The following SMCHD1 variants were observed in gnomAD, a reference collection of about 807,000 sequenced individuals.
The protein encoded by SMCHD1 is structural maintenance of chromosomes flexible hinge domain-containing protein 1.
Under a neutral mutation model 254.7 loss-of-function variants are expected in SMCHD1, and 78 were observed. The observed-to-expected ratio is 0.31, with a 90% CI of 0.26 to 0.37. The LOEUF is 0.37. Ranked by LOEUF, SMCHD1 falls within the 10% of genes least tolerant of loss-of-function variation. SMCHD1 has a pLI of 1.00. For missense variants in SMCHD1, 1,840 were observed against 2,408.1 expected (o/e 0.76, Z 4.94); for synonymous variants, 766 against 794.9 (o/e 0.96, Z 0.61).
Position 2,707,597 on chromosome 18 carries a change from G to A in SMCHD1, c.2098G>A (p.Gly700Arg). 6.2e-7 allele frequency: 1 copy of A among 1,609,550 alleles called. No individual in the cohort carries two copies. Among genetic ancestry groups the A allele is most frequent in the Non-Finnish European group, 8.5e-7 (1 of 1,177,528 alleles). ...TAGATTGTCAGTAACTTGGCCTGAA[G>A]GAGATGAATTATTGCCTAATGAGGT... ...PDRLSVTWPE[G>R]DELLPNEVRP... is the part of the protein sequence containing the mutation. The change falls in exon 16 of 48, where the codon GGA becomes AGA. Residue 700 changes from glycine (G) to arginine (R), a missense_variant. Transcript: ENST00000320876.
chr18:2,769,673 ATTGT>A lies in SMCHD1; in HGVS notation c.4720-14_4720-11del. ...TTCTTTTTAAATCTTGTTTTCCCCT[ATTGT>A]TTGTTTATATGTACAGAGTCTGGTG... On this transcript the variant is annotated splice_polypyrimidine_tract_variant and intron_variant, in intron 37 of 47. Transcript: ENST00000320876. 3 of 1,579,218 alleles carry A rather than the reference ATTGT, an allele frequency of 1.9e-6. No individual in the cohort carries two copies. Among genetic ancestry groups the A allele is most frequent in the Non-Finnish European group, 2.6e-6 (3 of 1,161,484 alleles).
intron 23 of SMCHD1, 136 bp from the exon 24 acceptor site, chr18:2,729,139 A>T: frequency 3.4e-6 from 2 of 591,658 alleles, no homozygotes; most frequent in South Asian, 4.7e-5. Context: ...CTAGAGTTTT[A>T]GTGACTTTTA....
intron 34 of SMCHD1, chr18:2,753,139 A>T (rs1432402489): frequency 6.6e-6 from 1 of 152,484 alleles, no homozygotes; most frequent in Non-Finnish European, 1.5e-5. Flanking sequence ...ACACACCACA[A>T]ACCCTCTCCT....
At chr18:2,677,392 A>T (rs1292817514) in intron 5 of SMCHD1, among the ~76,000 whole-genome samples, 2 of 152,202 alleles carry the variant, frequency 1.3e-5, no homozygotes, top group East Asian at 3.8e-4. Flanking sequence ...CATATTATAC[A>T]GTTAATTGCT....
At chr18:2,676,816 A>C (rs1238584038) in intron 5 of SMCHD1, among the ~76,000 whole-genome samples, 2 of 152,196 alleles carry the variant, frequency 1.3e-5, no homozygotes, top group Non-Finnish European at 2.9e-5. Flanking sequence ...TTGAAAGTAC[A>C]CTGCTGTCAG....
chr18:2,657,541 CCA>C (rs1227733029), intron 1 of SMCHD1, among the ~76,000 whole-genome samples: 2 of 152,092 alleles, frequency 1.3e-5, no homozygotes, highest in Non-Finnish European at 2.9e-5. Flanking sequence ...AAATATGGAA[CCA>C]GAGGGGGGAA....
chr18:2,741,063 A>T (rs2075340367), intron 28 of SMCHD1, among the ~76,000 whole-genome samples: 1 of 152,190 alleles, frequency 6.6e-6, no homozygotes, highest in African/African-American at 2.4e-5. Flanking sequence ...TATCATTTTG[A>T]AGCAAATTCC....
intron 29 of SMCHD1, among the ~76,000 whole-genome samples, chr18:2,746,250 A>G (rs1379630490): frequency 6.6e-6 from 1 of 152,230 alleles, no homozygotes; most frequent in Non-Finnish European, 1.5e-5. Flanking sequence ...GTGACATTAA[A>G]TGTGATATTA....
intron 44 of SMCHD1, chr18:2,779,135 A>T (rs921864197): frequency 1.3e-5 from 2 of 152,236 alleles, no homozygotes; most frequent in African/African-American, 4.8e-5. Flanking sequence ...TGGTAAAATA[A>T]ATATTTCAGT....
chr18:2,725,665 CAG>C (rs2075013371), intron 21 of SMCHD1, among the ~76,000 whole-genome samples: 1 of 151,670 alleles, frequency 6.6e-6, no homozygotes, highest in Admixed American at 6.6e-5. Flanking sequence ...ATGTTTAAAA[CAG>C]AGCATGTGTA....
At chr18:2,688,048 T>G (rs2074092284) in intron 5 of SMCHD1, among the ~76,000 whole-genome samples, 1 of 152,252 alleles carries the variant, frequency 6.6e-6, no homozygotes, top group African/African-American at 2.4e-5. Context: ...GACAATATTT[T>G]AGCAAGTTTT....
intron 45 of SMCHD1, among the ~76,000 whole-genome samples, chr18:2,793,181 C>T (rs2076196520): frequency 6.6e-6 from 1 of 152,142 alleles, no homozygotes; most frequent in South Asian, 2.1e-4. Flanking sequence ...TTGCTTCAGA[C>T]TTCTATTAAC....
chr18:2,688,585 G>C (rs781321092), intron 6 of SMCHD1, 43 bp from the exon 7 acceptor site: 5 of 1,577,684 alleles, frequency 3.2e-6, no homozygotes, highest in Non-Finnish European at 3.5e-6. Flanking sequence ...GCATTAACCA[G>C]TTTATTAGGA....
At chr18:2,774,608 C>T (rs1007570014) in intron 41 of SMCHD1, among the ~76,000 whole-genome samples, 4 of 152,064 alleles carry the variant, frequency 2.6e-5, no homozygotes, top group South Asian at 2.1e-4. Flanking sequence ...GATGGGGTTT[C>T]GTGATGTTGC....
At chr18:2,688,806 GA>G in intron 7 of SMCHD1, 59 bp downstream of exon 7, 1 of 967,764 alleles carries the variant, frequency 1.0e-6, no homozygotes, top group Non-Finnish European at 1.5e-6. Context: ...CGGTGGGACA[GA>G]ACTTAACTTG....
At chr18:2,748,787 G>A (rs2075517758) in intron 30 of SMCHD1, among the ~76,000 whole-genome samples, 1 of 151,982 alleles carries the variant, frequency 6.6e-6, no homozygotes, top group South Asian at 2.1e-4. Context: ...GAGGGAGTTG[G>A]GGTCATATTC....
At chr18:2,752,627 G>A (rs1448190544) in intron 34 of SMCHD1, 75 bp downstream of exon 34, 4 of 893,792 alleles carry the variant, frequency 4.5e-6, no homozygotes, top group East Asian at 2.7e-5. Context: ...ATATATGTGG[G>A]CTCACCTGAG....
Position 2,772,253 on chromosome 18 carries a change from C to T in SMCHD1, c.5056C>T (p.Pro1686Ser). The T allele has an allele frequency of 6.3e-7, 1 of 1,581,268 alleles. No homozygotes were observed. Among genetic ancestry groups the T allele is most frequent in the Non-Finnish European group, 8.6e-7 (1 of 1,168,104 alleles). The change falls in exon 41 of 48, where the codon CCA becomes TCA. Residue 1686 changes from proline (P) to serine (S), a missense_variant. Pro to Ser is a moderately conservative substitution (Grantham distance 74). This residue lies in a region of SMCHD1 where 881 missense variants were observed against 1,009.5 expected (regional missense o/e 0.87). Transcript: ENST00000320876. Reference sequence around the variant, plus strand: ...AATTTTTCTTTATAAATTATAGGTGCCACACATTGAAGCACTTCTGAAAAG... The same window carrying T: ...AATTTTTCTTTATAAATTATAGGTGTCACACATTGAAGCACTTCTGAAAAG... ...NIDIPTTQQV[P>S]HIEALLKRKL... is the part of the protein sequence containing the mutation.
chr18:2,714,425 A>G (rs1376004721), intron 17 of SMCHD1, among the ~76,000 whole-genome samples: 1 of 151,936 alleles, frequency 6.6e-6, no homozygotes, highest in Non-Finnish European at 1.5e-5. Context: ...AAAATCCATT[A>G]CTGTCAGTCT....
Sources: allele counts gnomAD v4.1 joint callset (sites outside exome capture counted in the v4.1 genomes callset), GRCh38; gene constraint gnomAD v4.1.1; regional missense constraint gnomAD v4.1.1; transcripts MANE v1.5; gene names NCBI Gene and HGNC (gene_info 2026-07-23, HGNC 2026-07-21).